Variants in SPAST observed in about 807,000 individuals in gnomAD.
SPAST encodes spastic paraplegia 4 (autosomal dominant; spastin).
In SPAST, 30 loss-of-function variants were observed where a neutral mutation model predicts 76.6. The ratio of observed to expected loss-of-function variants is 0.39; its 90% confidence interval spans 0.29 to 0.53. The LOEUF is 0.53. SPAST is among the 20% of genes least tolerant of loss of function. The probability of loss-of-function intolerance (pLI) is 0.68; values close to 1 mark genes in which losing one functional copy is unlikely to be tolerated. For missense variants in SPAST, 717 were observed against 770.5 expected (o/e 0.93, Z 0.82); for synonymous variants, 305 against 281.0 (o/e 1.09, Z -0.86).
chr2:32,086,838 T>G (rs1452538536), intron 1 of SPAST, among the ~76,000 whole-genome samples: 1 of 152,226 alleles, frequency 6.6e-6, no homozygotes, highest in African/African-American at 2.4e-5. Context: ...AACAAAAAAT[T>G]AATTTTCAAA....
rs1303976277 is a variant in SPAST at position 32,157,291 on chromosome 2, A to C, written c.*2795A>C. ...TATCTTAAGGGTAAAAGCTTATTCT[A>C]AGACAGTCTGTCCATTGAGAATATT... On this transcript the variant is annotated 3_prime_UTR_variant, in exon 17 of 17. Transcript: ENST00000315285. 6.6e-6 allele frequency: 1 copy of C among 152,640 alleles called. No individual in the cohort carries two copies. The highest frequency in any genetic ancestry group is 2.4e-5 in the African/African-American group (1 of 41,462). 9.5% of individuals were successfully genotyped at this position (152,640 alleles called of 1,614,324 possible).
At chr2:32,138,029 G>T (rs78970848) in intron 12 of SPAST, among the ~76,000 whole-genome samples, 37 of 152,244 alleles carry the variant, frequency 2.4e-4, no homozygotes, top group African/African-American at 8.9e-4. Context: ...GTATTCCATG[G>T]TGTGTACGTA....
chr2:32,076,129 C>T (rs1030116072), intron 1 of SPAST, among the ~76,000 whole-genome samples: 7 of 150,224 alleles, frequency 4.7e-5, no homozygotes, highest in South Asian at 2.1e-4. Flanking sequence ...TTGAACTCCT[C>T]GCCTCGTGTG....
At chr2:32,107,318 C>T (rs544058157) in intron 4 of SPAST, among the ~76,000 whole-genome samples, 13 of 152,170 alleles carry the variant, frequency 8.5e-5, no homozygotes, top group African/African-American at 2.7e-4. Context: ...CTGCAACCTC[C>T]GCAGCCTCCC....
intron 1 of SPAST, among the ~76,000 whole-genome samples, chr2:32,068,614 G>A (rs1373395255): frequency 2.6e-5 from 4 of 152,118 alleles, no homozygotes; most frequent in African/African-American, 9.7e-5. Context: ...GTGAGCCACC[G>A]TGCCCAGCCT....
At chr2:32,118,596 A>G (rs769923808) in intron 7 of SPAST, among the ~76,000 whole-genome samples, 1 of 152,154 alleles carries the variant, frequency 6.6e-6, no homozygotes, top group Non-Finnish European at 1.5e-5. Flanking sequence ...GGATTTACAT[A>G]ATTGTAGACC....
In SPAST at chr2:32,141,956, T is replaced by C. The variant is rs1222250902; in HGVS notation, c.1536+10T>C. 2 of 1,609,926 alleles carry C rather than the reference T, an allele frequency of 1.2e-6. No individual in the cohort carries two copies. Among genetic ancestry groups the C allele is most frequent in the Admixed American group, 1.7e-5 (1 of 59,988 alleles). Reference sequence around the variant, plus strand: ...TTTACCAAATGAGGAGGTATGTATCTGTGTTTGAATTTTTTTTGTTTTAGA... The same window carrying C: ...TTTACCAAATGAGGAGGTATGTATCCGTGTTTGAATTTTTTTTGTTTTAGA... On this transcript the variant is annotated intron_variant, in intron 13 of 16. Coordinates refer to ENST00000315285, the MANE Select transcript of SPAST (RefSeq NM_014946.4).
chr2:32,117,448 C>T (rs1573124007), intron 7 of SPAST, among the ~76,000 whole-genome samples: 1 of 149,418 alleles, frequency 6.7e-6, no homozygotes, highest in Non-Finnish European at 1.5e-5. Flanking sequence ...TAAACAAGTA[C>T]TTTATGGGAA....
chr2:32,064,208 A>G lies in SPAST; in HGVS notation c.377A>G (p.Tyr126Cys), dbSNP rs781065348. ...VRVFHKQAFEYISIALRIDED... is the reference protein window; with the variant it reads ...VRVFHKQAFECISIALRIDED... ...GTCTTCCACAAACAGGCCTTCGAGT[A>G]CATCTCCATTGCCCTGCGCATCGAT... The change falls in exon 1 of 17, where the codon TAC (tyrosine) becomes TGC (cysteine). Residue 126 changes from tyrosine to cysteine, a missense_variant. Physicochemically the swap from Tyr to Cys is radical, Grantham distance 194. Around this residue, in one of 3 missense-constraint regions of SPAST, gnomAD observed 543 missense variants for 445.2 expected, o/e 1.22. Transcript: ENST00000315285. The G allele has an allele frequency of 1.9e-6, 3 of 1,550,080 alleles. No homozygotes were observed. Among genetic ancestry groups the G allele is most frequent in the Non-Finnish European group, 1.7e-6 (2 of 1,147,862 alleles).
At chr2:32,069,350 T>C (rs1322237772) in intron 1 of SPAST, among the ~76,000 whole-genome samples, 1 of 152,132 alleles carries the variant, frequency 6.6e-6, no homozygotes, top group East Asian at 1.9e-4. Context: ...TTTTGAAGTC[T>C]GCCTCTTGGC....
intron 9 of SPAST, among the ~76,000 whole-genome samples, chr2:32,133,527 T>A (rs1679437876): frequency 6.6e-6 from 1 of 152,248 alleles, no homozygotes; most frequent in Non-Finnish European, 1.5e-5. Flanking sequence ...ATTTGGCTTC[T>A]TTCATCAGCA....
intron 4 of SPAST, among the ~76,000 whole-genome samples, chr2:32,099,114 T>G (rs1164080505): frequency 2.0e-5 from 3 of 152,234 alleles, no homozygotes; most frequent in African/African-American, 7.2e-5. Context: ...TTTTGCAACC[T>G]CTGGTTTTTC....
chr2:32,081,211 C>T (rs1016927792), intron 1 of SPAST, among the ~76,000 whole-genome samples: 3 of 152,084 alleles, frequency 2.0e-5, no homozygotes. Flanking sequence ...CCCGCCTCAG[C>T]CTCCCAAAGT....
intron 3 of SPAST, among the ~76,000 whole-genome samples, chr2:32,093,770 T>C (rs1677814116): frequency 6.6e-6 from 1 of 152,150 alleles, no homozygotes; most frequent in Non-Finnish European, 1.5e-5. Context: ...CTATACCTGA[T>C]ACAGTGTAGG....
chr2:32,147,281 T>C, intron 16 of SPAST, 23 bp downstream of exon 16: 1 of 1,523,524 alleles, frequency 6.6e-7, no homozygotes, highest in Non-Finnish European at 9.1e-7. Flanking sequence ...ACAATGATAT[T>C]TTCTTTGTCT....
chr2:32,075,580 C>T (rs1228092031), intron 1 of SPAST, among the ~76,000 whole-genome samples: 1 of 119,292 alleles, frequency 8.4e-6, no homozygotes, highest in Admixed American at 1.0e-4. Context: ...GACAAAGCCT[C>T]ACTCTGTCAC....
intron 2 of SPAST, among the ~76,000 whole-genome samples, chr2:32,088,824 A>G (rs547634430): frequency 2.0e-5 from 3 of 152,312 alleles, no homozygotes; most frequent in East Asian, 1.9e-4. Context: ...TATAACAACA[A>G]TATTAATATC....
intron 1 of SPAST, chr2:32,066,100 A>G (rs1221728719): frequency 6.6e-6 from 1 of 151,444 alleles, no homozygotes; most frequent in Non-Finnish European, 1.5e-5. Context: ...CAGTCTCCCG[A>G]GTAGCTGGAA....
In SPAST at chr2:32,112,780, A is replaced by G. The variant is rs182177496; in HGVS notation, c.683-1858A>G. On this transcript the variant is annotated intron_variant, in intron 4 of 16. Transcript: ENST00000315285. ...TTTCCTATACTAGTTTAGAGTCTTT[A>G]GTTTTCTTAAACCGTATTAAGAGAT... 4.1e-3 allele frequency among the ~76,000 whole-genome samples: 619 copies of G among 152,182 alleles called. 2 individuals are homozygous for G. The highest frequency in any genetic ancestry group is 0.014 in the African/African-American group (594 of 41,524).
Sources: allele counts gnomAD v4.1 joint callset (sites outside exome capture counted in the v4.1 genomes callset), GRCh38; gene constraint gnomAD v4.1.1; regional missense constraint gnomAD v4.1.1; transcripts MANE v1.5; gene names NCBI Gene and HGNC (gene_info 2026-07-23, HGNC 2026-07-21).